The following TASP1 variants were observed in gnomAD, a reference collection of about 807,000 sequenced individuals.
TASP1 encodes the protein threonine aspartase 1.
Under a neutral mutation model 56.6 loss-of-function variants are expected in TASP1, and 16 were observed. That is an observed-to-expected ratio of 0.28 (90% CI 0.19 to 0.43). The LOEUF (loss-of-function observed/expected upper bound fraction) is 0.43. Ranked by LOEUF, TASP1 falls within the 20% of genes least tolerant of loss-of-function variation. The pLI, the probability that TASP1 is intolerant of heterozygous loss-of-function variation, is 1.00. For missense variants in TASP1, 393 were observed against 511.6 expected (o/e 0.77, Z 2.24); for synonymous variants, 179 against 184.2 (o/e 0.97, Z 0.23).
chr20:13,367,436 T>C, the TASP1 span, among the ~76,000 whole-genome samples: 30 of 152,230 alleles, frequency 2.0e-4, no homozygotes, highest in Non-Finnish European at 4.1e-4. Flanking sequence ...TTGAACCATT[T>C]AATGATATTC....
At chr20:13,316,271 T>C in the TASP1 span, among the ~76,000 whole-genome samples, 1 of 151,992 alleles carries the variant, frequency 6.6e-6, no homozygotes. Context: ...AAAAGGTCTA[T>C]ATCTATTAAG....
intron 6 of TASP1, among the ~76,000 whole-genome samples, chr20:13,576,883 T>TA (rs1328386604): frequency 6.6e-6 from 1 of 152,158 alleles, no homozygotes; most frequent in East Asian, 1.9e-4. Context: ...TTTCTCTTTG[T>TA]AAAATATTAA....
At chr20:13,139,406 A>G in the TASP1 span, among the ~76,000 whole-genome samples, 1 of 152,172 alleles carries the variant, frequency 6.6e-6, no homozygotes, top group African/African-American at 2.4e-5. Context: ...TTTTTTCCTA[A>G]CATAAAGTCC....
the TASP1 span, among the ~76,000 whole-genome samples, chr20:13,187,604 TG>T: frequency 6.6e-6 from 1 of 151,556 alleles, no homozygotes; most frequent in Admixed American, 6.6e-5. Context: ...AAAAATTAGC[TG>T]GGCGTGGTAG....
chr20:13,439,170 G>C (rs112137879), intron 11 of TASP1, among the ~76,000 whole-genome samples: 10 of 152,162 alleles, frequency 6.6e-5, no homozygotes, highest in Admixed American at 6.5e-4. Context: ...ACACCCAAAG[G>C]ATTATAGATC....
At chr20:13,470,440 T>C (rs772063917) in intron 11 of TASP1, among the ~76,000 whole-genome samples, 1 of 152,190 alleles carries the variant, frequency 6.6e-6, no homozygotes, top group Non-Finnish European at 1.5e-5. Flanking sequence ...TCCCATCTTT[T>C]CTTTTTCCTT....
intron 12 of TASP1, among the ~76,000 whole-genome samples, chr20:13,425,765 G>T (rs1034687165): frequency 1.3e-5 from 2 of 152,084 alleles, no homozygotes; most frequent in Non-Finnish European, 2.9e-5. Context: ...TATCACTGTA[G>T]ATTTTTGCCC....
the TASP1 span, among the ~76,000 whole-genome samples, chr20:13,119,505 T>C: frequency 1.1e-4 from 17 of 152,246 alleles, no homozygotes; most frequent in African/African-American, 4.1e-4. Context: ...AAATTACCAT[T>C]ATTTACATTA....
In TASP1 at chr20:13,488,734, C is replaced by T. The variant is rs906104415; in HGVS notation, c.875-5397G>A. ...AGCAGTAACGTGAACTCCTCAGTCA[C>T]ATCAATTGGAATCATCTCATTCCTA... On this transcript the variant is annotated intron_variant, in intron 10 of 13. Coordinates refer to ENST00000337743, the MANE Select transcript of TASP1 (RefSeq NM_017714.3). Among the ~76,000 whole-genome samples, 11 of 152,160 alleles carry T rather than the reference C, an allele frequency of 7.2e-5. 1 individual carries two copies. Among genetic ancestry groups the T allele is most frequent in the African/African-American group, 2.7e-4 (11 of 41,438 alleles).
chr20:13,568,927 G>T (rs574555721), intron 7 of TASP1, among the ~76,000 whole-genome samples: 2 of 152,142 alleles, frequency 1.3e-5, no homozygotes, highest in South Asian at 2.1e-4. Context: ...ATTTTAATTT[G>T]AATTTGCCTG....
At chr20:13,147,713 C>G in the TASP1 span, among the ~76,000 whole-genome samples, 2 of 152,152 alleles carry the variant, frequency 1.3e-5, no homozygotes, top group Admixed American at 6.5e-5. Flanking sequence ...CTTCCCATCT[C>G]TAAAGACAAG....
the TASP1 span, among the ~76,000 whole-genome samples, chr20:13,291,646 T>C: frequency 6.6e-6 from 1 of 152,158 alleles, no homozygotes; most frequent in East Asian, 1.9e-4. Context: ...TAAGTTTGAG[T>C]AGAGCTGGGT....
At chr20:13,109,287 GA>G in the TASP1 span, among the ~76,000 whole-genome samples, 1 of 152,190 alleles carries the variant, frequency 6.6e-6, no homozygotes, top group African/African-American at 2.4e-5. Flanking sequence ...TTTCATTTGA[GA>G]AGAAGGGACA....
intron 11 of TASP1, among the ~76,000 whole-genome samples, chr20:13,476,567 T>C (rs2042956882): frequency 6.6e-6 from 1 of 152,198 alleles, no homozygotes; most frequent in Non-Finnish European, 1.5e-5. Flanking sequence ...ATTTGTTTTT[T>C]TCTTTTCCGC....
the TASP1 span, chr20:13,288,602 G>C: frequency 1.2e-6 from 2 of 1,613,846 alleles, no homozygotes; most frequent in Non-Finnish European, 1.7e-6. Context: ...CTGCGGGAAC[G>C]GCAACCAGAA....
At chr20:13,134,402 G>C in the TASP1 span, among the ~76,000 whole-genome samples, 1 of 152,158 alleles carries the variant, frequency 6.6e-6, no homozygotes, top group African/African-American at 2.4e-5. Context: ...ATCTGCTTAT[G>C]ATAGAGTCAC....
chr20:13,185,735 C>G, the TASP1 span, among the ~76,000 whole-genome samples: 1 of 152,112 alleles, frequency 6.6e-6, no homozygotes, highest in Non-Finnish European at 1.5e-5. Context: ...ATTATTGTCT[C>G]ATAAAAGTCA....
At chr20:13,125,886 A>G in the TASP1 span, among the ~76,000 whole-genome samples, 1 of 152,238 alleles carries the variant, frequency 6.6e-6, no homozygotes, top group Non-Finnish European at 1.5e-5. Context: ...GCAACTGCGA[A>G]GTTGGATTGC....
chr20:13,440,886 A>G (rs1377323374), intron 11 of TASP1, among the ~76,000 whole-genome samples: 2 of 152,122 alleles, frequency 1.3e-5, no homozygotes, highest in Non-Finnish European at 2.9e-5. Flanking sequence ...CTTCATTTGT[A>G]GCAATGCCTC....
Sources: allele counts gnomAD v4.1 joint callset (sites outside exome capture counted in the v4.1 genomes callset), GRCh38; gene constraint gnomAD v4.1.1; transcripts MANE v1.5; gene names NCBI Gene and HGNC (gene_info 2026-07-23, HGNC 2026-07-21).